DENND1B: variants seen among roughly 807,000 people sequenced by gnomAD.
The protein encoded by DENND1B is DENN domain containing 1B.
In DENND1B, 59 loss-of-function variants were observed where a neutral mutation model predicts 90.1. The observed-to-expected ratio is 0.65, with a 90% CI of 0.53 to 0.81. The LOEUF is 0.81. DENND1B is among the 40% of genes least tolerant of loss of function. The pLI is 0.00. For missense variants in DENND1B, 862 were observed against 912.6 expected, an observed-to-expected ratio of 0.94 and a Z score of 0.71; for synonymous variants, 337 against 324.6, an observed-to-expected ratio of 1.04 and a Z score of -0.41.
At chr1:197,651,436 A>G (rs1030294784) in intron 7 of DENND1B, among the ~76,000 whole-genome samples, 2 of 152,010 alleles carry the variant, frequency 1.3e-5, no homozygotes. Context: ...AAATTCAATC[A>G]TATTTCCAGT....
chr1:197,625,745 TCA>T (rs1572107096), intron 10 of DENND1B, among the ~76,000 whole-genome samples: 1 of 152,176 alleles, frequency 6.6e-6, no homozygotes, highest in East Asian at 1.9e-4. Context: ...TCAAGACCCA[TCA>T]GTGTGCTGTA....
chr1:197,737,645 T>C (rs140224185), intron 2 of DENND1B, among the ~76,000 whole-genome samples: 57 of 152,322 alleles, frequency 3.7e-4, no homozygotes, highest in African/African-American at 1.3e-3. Context: ...TGATTCTTAT[T>C]CATTTTTAGG....
At chr1:197,636,967 C>A (rs1679854877) in intron 10 of DENND1B, among the ~76,000 whole-genome samples, 2 of 151,574 alleles carry the variant, frequency 1.3e-5, no homozygotes, top group Admixed American at 6.6e-5. Context: ...CAACAATGAG[C>A]TAAACTGCAC....
chr1:197,650,679 T>G (rs1653038867), intron 7 of DENND1B, among the ~76,000 whole-genome samples: 1 of 152,176 alleles, frequency 6.6e-6, no homozygotes, highest in Non-Finnish European at 1.5e-5. Flanking sequence ...GGAATACTAC[T>G]CAGCCGTAAA....
At chr1:197,524,835 T>A (rs192450342) in intron 20 of DENND1B, among the ~76,000 whole-genome samples, 13 of 152,226 alleles carry the variant, frequency 8.5e-5, no homozygotes, top group African/African-American at 2.9e-4. Flanking sequence ...TAAGTTGGGG[T>A]CTGTTCTAGA....
upstream of DENND1B, chr1:197,775,769 A>C (rs921919596): frequency 6.6e-6 from 1 of 152,414 alleles, no homozygotes; most frequent in African/African-American, 2.4e-5. Context: ...CTGCAACCCC[A>C]CAAAGGGCGA....
intron 10 of DENND1B, among the ~76,000 whole-genome samples, chr1:197,623,039 C>T (rs1572096847): frequency 6.6e-6 from 1 of 151,302 alleles, no homozygotes; most frequent in African/African-American, 2.4e-5. Context: ...CACATTGCTA[C>T]TCACACTATT....
chr1:197,565,204 A>AT (rs1413145137), intron 15 of DENND1B, among the ~76,000 whole-genome samples: 2 of 152,038 alleles, frequency 1.3e-5, no homozygotes, highest in Non-Finnish European at 2.9e-5. Flanking sequence ...ATCTGTAACA[A>AT]TTTTTTATGT....
intron 3 of DENND1B, chr1:197,690,254 C>T (rs552889436): frequency 3.4e-5 from 9 of 266,868 alleles, no homozygotes; most frequent in Middle Eastern, 1.7e-3. Context: ...GCAAAAATGA[C>T]TCACCAATGG....
chr1:197,658,179 T>C (rs1654042000), intron 6 of DENND1B, 121 bp downstream of exon 6: 8 of 794,260 alleles, frequency 1.0e-5, no homozygotes, highest in East Asian at 5.0e-5. Context: ...GTATTGATGA[T>C]TGCAGATCAA....
At chr1:197,706,458 C>A (rs1187622149) in intron 3 of DENND1B, among the ~76,000 whole-genome samples, 4 of 152,104 alleles carry the variant, frequency 2.6e-5, no homozygotes, top group African/African-American at 9.7e-5. Context: ...AAAGCTTCGG[C>A]ACAGCCAAAG....
At chr1:197,707,867 G>T (rs1308326993) in intron 3 of DENND1B, among the ~76,000 whole-genome samples, 2 of 147,800 alleles carry the variant, frequency 1.4e-5, no homozygotes, top group African/African-American at 2.5e-5. Context: ...GCCAGTGTGT[G>T]TGCGCACCGT....
intron 2 of DENND1B, chr1:197,747,531 A>G (rs1652865178): frequency 4.9e-6 from 1 of 202,770 alleles, no homozygotes. Flanking sequence ...TGGGAGAGTT[A>G]CCAAAATGTG....
chr1:197,524,641 A>G (rs1472061694), intron 20 of DENND1B, among the ~76,000 whole-genome samples: 3 of 152,128 alleles, frequency 2.0e-5, no homozygotes, highest in Non-Finnish European at 4.4e-5. Context: ...TTAAGAGGAG[A>G]TAAGTGATCT....
chr1:197,775,130 C>A lies in DENND1B; in HGVS notation c.17+9G>T. 1 of 1,291,204 alleles carries A rather than the reference C, an allele frequency of 7.7e-7. No homozygotes were observed. The highest frequency in any genetic ancestry group is 9.9e-7 in the Non-Finnish European group (1 of 1,008,508). 80.0% of individuals were successfully genotyped at this position (1,291,204 alleles called of 1,614,324 possible). On this transcript the variant is annotated intron_variant, in intron 1 of 22. Coordinates refer to ENST00000620048, the MANE Select transcript of DENND1B (RefSeq NM_001195215.2). ...CCCGCCCCCGACGCGCCCGGGCCCC[C>A]CCACTCACTTGGTCCTGCAGTCCAT...
chr1:197,719,555 G>A (rs1424660349), intron 2 of DENND1B, among the ~76,000 whole-genome samples: 1 of 152,188 alleles, frequency 6.6e-6, no homozygotes, highest in Admixed American at 6.5e-5. Flanking sequence ...AAAGCTTTCT[G>A]CTAAAACACA....
chr1:197,781,445 G>C, the DENND1B span, among the ~76,000 whole-genome samples: 2 of 152,230 alleles, frequency 1.3e-5, no homozygotes, highest in Admixed American at 1.3e-4. Flanking sequence ...GAAGCTCTTA[G>C]GAAACTATCT....
chr1:197,571,434 G>A (rs1673143467), intron 15 of DENND1B, among the ~76,000 whole-genome samples: 1 of 152,020 alleles, frequency 6.6e-6, no homozygotes. Flanking sequence ...CCCTCCTTTA[G>A]GTCTTTGTAA....
At chr1:197,528,753 G>C (rs898177981) in intron 20 of DENND1B, among the ~76,000 whole-genome samples, 2 of 151,014 alleles carry the variant, frequency 1.3e-5, no homozygotes, top group Non-Finnish European at 3.0e-5. Flanking sequence ...CCAGCTACTT[G>C]GGAGGCTGAG....
Sources: allele counts gnomAD v4.1 joint callset (sites outside exome capture counted in the v4.1 genomes callset), GRCh38; gene constraint gnomAD v4.1.1; transcripts MANE v1.5; gene names NCBI Gene and HGNC (gene_info 2026-07-23, HGNC 2026-07-21).